The following SLC4A8 variants were observed in gnomAD, a reference collection of about 807,000 sequenced individuals.
The protein encoded by SLC4A8 is solute carrier family 4 member 8, also known as electroneutral sodium bicarbonate exchanger 1.
SLC4A8 carries 40 observed loss-of-function variants against 125.0 expected under a neutral mutation model. The observed-to-expected ratio is 0.32, with a 90% confidence interval of 0.25 to 0.42. The LOEUF is 0.42. Ranked by LOEUF, SLC4A8 falls within the 10% of genes least tolerant of loss-of-function variation. The probability of loss-of-function intolerance (pLI) is 1.00; values close to 1 mark genes in which losing one functional copy is unlikely to be tolerated. For missense variants in SLC4A8, 863 were observed against 1,355.1 expected (o/e 0.64, Z 5.70); for synonymous variants, 456 against 476.0 (o/e 0.96, Z 0.55).
chr12:51,434,192 C>T (rs1565772838), intron 1 of SLC4A8, among the ~76,000 whole-genome samples: 2 of 152,000 alleles, frequency 1.3e-5, no homozygotes, highest in Non-Finnish European at 2.9e-5. Flanking sequence ...CTTGTTTCAT[C>T]TATGTTCATC....
At chr12:51,495,606 G>C (rs922894805) in intron 21 of SLC4A8, among the ~76,000 whole-genome samples, 3 of 149,086 alleles carry the variant, frequency 2.0e-5, no homozygotes, top group African/African-American at 7.4e-5. Flanking sequence ...CTCCCTAATA[G>C]CTGGGATTAC....
rs746291429 is a variant in SLC4A8, at chr12:51,424,940, CT to C, written c.-47del. 1.4e-5 allele frequency: 21 copies of C among 1,546,746 alleles called. No homozygotes were observed. In the South Asian group the frequency reaches 2.4e-4, roughly 18 times the overall value. On this transcript the variant is annotated 5_prime_UTR_variant, in exon 1 of 25. An upstream open reading frame in the 5' UTR gains an earlier in-frame stop. Transcript: ENST00000453097. The stretch of plus-strand genomic sequence containing the variant: ...AGACCCGACCAGAGGGCGCGGGCTG[CT>C]GATGCTTGGCTTGGAGCCCGTGGGG...
intron 5 of SLC4A8, 39 bp downstream of exon 5, chr12:51,453,738 A>G (rs374434975): frequency 2.0e-5 from 32 of 1,587,898 alleles, no homozygotes; most frequent in Non-Finnish European, 2.2e-5. Context: ...ACTTTCTTAT[A>G]AATTTAAGAA....
intron 16 of SLC4A8, among the ~76,000 whole-genome samples, chr12:51,475,477 TATTTCCAGAATGCTGTTACGTTTC>T: frequency 6.6e-6 from 1 of 152,346 alleles, no homozygotes; most frequent in South Asian, 2.1e-4. Flanking sequence ...TATTAAGTCT[TATTTCCAGAATGCTGTTACGTTTC>T]ATTTCCAGAA....
At chr12:51,392,571 CAAAA>C (rs35992841) in intron 1 of SLC4A8, among the ~76,000 whole-genome samples, 8 of 119,224 alleles carry the variant, frequency 6.7e-5, no homozygotes, top group Admixed American at 1.8e-4. Flanking sequence ...GATTCCGTAT[CAAAA>C]AAAAAAAAAA....
intron 19 of SLC4A8, among the ~76,000 whole-genome samples, chr12:51,490,863 T>C (rs1390401260): frequency 6.6e-6 from 1 of 152,084 alleles, no homozygotes; most frequent in Non-Finnish European, 1.5e-5. Flanking sequence ...AAAAGATCAC[T>C]CTGGCTGAGG....
rs1381233336 is a variant in SLC4A8, at chr12:51,469,646, G to A, written c.1382G>A (p.Arg461Gln). 6 of 1,613,718 alleles carry A rather than the reference G, an allele frequency of 3.7e-6. No homozygotes were observed. The highest frequency in any genetic ancestry group is 4.5e-5 in the East Asian group (2 of 44,860). ...LFGGLVLDIKRKAPWYWSDYR... is the reference protein window; with the variant it reads ...LFGGLVLDIKQKAPWYWSDYR... Reference sequence around the variant, plus strand: ...GGGGGCTTGGTGCTGGACATCAAGCGGAAGGCCCCCTGGTACTGGAGCGAC... The same window carrying A: ...GGGGGCTTGGTGCTGGACATCAAGCAGAAGGCCCCCTGGTACTGGAGCGAC... Residue 461 changes from arginine (R) to glutamine (Q), a missense_variant, in exon 12 of 25, where the codon CGG (arginine) becomes CAG (glutamine). Physicochemically the swap from Arg to Gln is conservative, Grantham distance 43 (BLOSUM62 1). Transcript: ENST00000453097.
intron 1 of SLC4A8, among the ~76,000 whole-genome samples, chr12:51,397,871 A>T (rs572687546): frequency 6.6e-6 from 1 of 152,230 alleles, no homozygotes; most frequent in South Asian, 2.1e-4. Flanking sequence ...GTTTGAGACC[A>T]GCCTGGGCAA....
chr12:51,471,356 C>T lies in SLC4A8; in HGVS notation c.1728C>T (p.Val576=), dbSNP rs767320380. Residue 576 remains valine, a synonymous_variant, in exon 14 of 25, where the codon GTC becomes GTT. Transcript: ENST00000453097. ...TGTGGACCGCTTTCCTGTGTATTGT[C>T]CTTGTGGCAACTGATGCCAGTTCCC... ...IGLWTAFLCI[V]LVATDASSLV... is the part of the protein sequence containing the mutation. 1 of 1,614,032 alleles carries T rather than the reference C, an allele frequency of 6.2e-7. No homozygotes were observed. Among genetic ancestry groups the T allele is most frequent in the Non-Finnish European group, 8.5e-7 (1 of 1,179,982 alleles).
Position 51,471,390 on chromosome 12 carries a change from T to C in SLC4A8, c.1762T>C (p.Tyr588His). The stretch of plus-strand genomic sequence containing the variant: ...AACTGATGCCAGTTCCCTTGTCTGC[T>C]ACATTACCCGTTTCACTGAAGAAGC... ...VATDASSLVC[Y>H]ITRFTEEAFA... The change falls in exon 14 of 25, where the codon TAC becomes CAC. Residue 588 changes from tyrosine (Y) to histidine (H), a missense_variant. Tyr to His is a moderately conservative substitution (Grantham distance 83, BLOSUM62 2). Around this residue, in one of 6 missense-constraint regions of SLC4A8, gnomAD observed 390 missense variants for 634.4 expected, o/e 0.61. Transcript: ENST00000453097. 2 of 1,614,236 alleles carry C rather than the reference T, an allele frequency of 1.2e-6. No homozygotes were observed. Among genetic ancestry groups the C allele is most frequent in the Non-Finnish European group, 1.7e-6 (2 of 1,180,036 alleles).
intron 1 of SLC4A8, chr12:51,425,327 C>G (rs1948933807): frequency 8.1e-7 from 1 of 1,240,160 alleles, no homozygotes; most frequent in Non-Finnish European, 1.0e-6. Flanking sequence ...TTGTTCTCCT[C>G]GCGTCTTTCT....
At chr12:51,494,826 C>T in intron 20 of SLC4A8, 119 bp from the exon 21 acceptor site, 1 of 745,178 alleles carries the variant, frequency 1.3e-6, no homozygotes, top group Non-Finnish European at 2.1e-6. Flanking sequence ...CATTTCTGTC[C>T]AGAGGAAATG....
intron 16 of SLC4A8, 75 bp downstream of exon 16, chr12:51,475,281 C>A: frequency 6.9e-7 from 1 of 1,448,604 alleles, no homozygotes; most frequent in Non-Finnish European, 9.6e-7. Context: ...CTTCATGCTG[C>A]TTATGGGGTT....
chr12:51,470,594 G>C, intron 13 of SLC4A8, 69 bp downstream of exon 13: 1 of 1,417,534 alleles, frequency 7.1e-7, no homozygotes, highest in Non-Finnish European at 9.9e-7. Context: ...TAAATGTCAG[G>C]GTTCTACTCA....
upstream of SLC4A8, chr12:51,424,693 C>T (rs1205457308): frequency 1.6e-5 from 7 of 431,644 alleles, 1 homozygote; most frequent in South Asian, 7.3e-5. Context: ...CCAAGGCAAC[C>T]GGGCCCGGGA....
chr12:51,443,856 A>G (rs1949681365), intron 2 of SLC4A8, among the ~76,000 whole-genome samples: 1 of 152,128 alleles, frequency 6.6e-6, no homozygotes, highest in Admixed American at 6.5e-5. Context: ...ATTGTACCTT[A>G]GTAGGCCCAA....
chr12:51,462,302 C>T lies in SLC4A8; in HGVS notation c.1102-8C>T. The T allele has an allele frequency of 5.0e-6, 8 of 1,613,518 alleles. No homozygotes were observed. Among genetic ancestry groups the T allele is most frequent in the Non-Finnish European group, 6.8e-6 (8 of 1,179,564 alleles). ...TTAACTTTCCTGAGGGTTTTCTCTT[C>T]TCTGTAGATTTTTCATGACGTAGCA... On this transcript the variant is annotated splice_polypyrimidine_tract_variant and splice_region_variant and intron_variant, in intron 9 of 24. Coordinates refer to ENST00000453097, the MANE Select transcript of SLC4A8 (RefSeq NM_001039960.3).
chr12:51,400,736 A>G (rs1375503031), intron 1 of SLC4A8, among the ~76,000 whole-genome samples: 2 of 274 alleles, frequency 7.3e-3, no homozygotes, highest in South Asian at 0.038. Context: ...TTATATATAT[A>G]TATATATATA....
Position 51,514,979 on chromosome 12 carries a change from A to C in SLC4A8, c.*7541A>C, listed in dbSNP as rs1222946321. 1 of 152,224 alleles carries C rather than the reference A, an allele frequency of 6.6e-6. No homozygotes were observed. Among genetic ancestry groups the C allele is most frequent in the Non-Finnish European group, 1.5e-5 (1 of 68,042 alleles). The allele number at this position is 152,224 out of a possible 1,614,324, so 9.4% of individuals were successfully genotyped here. On this transcript the variant is annotated 3_prime_UTR_variant, in exon 25 of 25. Coordinates refer to ENST00000453097, the MANE Select transcript of SLC4A8 (RefSeq NM_001039960.3). ...ATGGTTTCTGATCCTTCTGAAGAGA[A>C]AAGGAATAGCATTTTTCTTAAACCT...
Sources: allele counts gnomAD v4.1 joint callset (sites outside exome capture counted in the v4.1 genomes callset), GRCh38; gene constraint gnomAD v4.1.1; regional missense constraint gnomAD v4.1.1; transcripts MANE v1.5; gene names NCBI Gene and HGNC (gene_info 2026-07-23, HGNC 2026-07-21).